The following SNX29 variants were observed in gnomAD, a reference collection of about 807,000 sequenced individuals.
SNX29 encodes the protein sorting nexin 29.
Under a neutral mutation model 102.1 loss-of-function variants are expected in SNX29, and 78 were observed. That is an observed-to-expected ratio of 0.76 (90% CI 0.64 to 0.92). The LOEUF (loss-of-function observed/expected upper bound fraction) is 0.92, where lower values mean the gene tolerates loss of function less well. Among genes scored for constraint, SNX29 ranks in the 40% least tolerant of loss-of-function variants. SNX29 has a pLI of 0.00. For missense variants in SNX29, 1,280 were observed against 1,061.7 expected (o/e 1.21, Z -2.86); for synonymous variants, 580 against 414.5 (o/e 1.40, Z -4.85).
At chr16:12,398,359 C>A in intron 16 of SNX29, 87 bp from the exon 17 acceptor site, 1 of 1,427,574 alleles carries the variant, frequency 7.0e-7, no homozygotes, top group Non-Finnish European at 9.9e-7. Context: ...TCAGGGATCT[C>A]TGAGAGGCAG....
chr16:12,545,969 C>T (rs745826755), intron 20 of SNX29, among the ~76,000 whole-genome samples: 2 of 152,132 alleles, frequency 1.3e-5, no homozygotes, highest in African/African-American at 2.4e-5. Context: ...AGGATGTGTG[C>T]TTCAGTGGGC....
chr16:12,076,682 G>A (rs2051591070), intron 10 of SNX29, among the ~76,000 whole-genome samples: 1 of 152,202 alleles, frequency 6.6e-6, no homozygotes, highest in Non-Finnish European at 1.5e-5. Context: ...GGACACCAAA[G>A]TCTTATGCCA....
rs2288425 is a variant in SNX29, at chr16:12,568,698, G to A, written c.*69G>A. Reference sequence around the variant, plus strand: ...TGCGTCCACCCCAGCCACTGCCGCTGGCCCCTCACCTCAGCGTGACAACCA... The same window carrying A: ...TGCGTCCACCCCAGCCACTGCCGCTAGCCCCTCACCTCAGCGTGACAACCA... On this transcript the variant is annotated 3_prime_UTR_variant, in exon 21 of 21. Coordinates refer to ENST00000566228, the MANE Select transcript of SNX29 (RefSeq NM_032167.5). 9.6e-5 allele frequency: 151 copies of A among 1,572,814 alleles called. 1 individual carries two copies. The South Asian group carries it at 1.5e-3, about 16-fold the overall frequency.
intron 11 of SNX29, chr16:12,088,097 G>C (rs1157309215): frequency 4.4e-6 from 2 of 456,678 alleles, no homozygotes; most frequent in Non-Finnish European, 8.8e-6. Flanking sequence ...TCTCCACACA[G>C]GTCCTGCCGT....
intron 16 of SNX29, among the ~76,000 whole-genome samples, chr16:12,395,314 C>T (rs535111809): frequency 1.3e-5 from 2 of 152,272 alleles, no homozygotes; most frequent in South Asian, 4.2e-4. Context: ...TGTTCTGTCC[C>T]TGCTCCCCAT....
intron 16 of SNX29, among the ~76,000 whole-genome samples, chr16:12,366,474 A>G (rs1192900387): frequency 6.6e-6 from 1 of 152,104 alleles, no homozygotes; most frequent in Non-Finnish European, 1.5e-5. Context: ...GCCTTATCTC[A>G]TGAGCCTGCC....
chr16:12,074,721 G>T (rs1036444744), intron 10 of SNX29, among the ~76,000 whole-genome samples: 4 of 152,196 alleles, frequency 2.6e-5, no homozygotes, highest in Non-Finnish European at 5.9e-5. Context: ...TGCCTTGCTA[G>T]ATTGGGGACG....
intron 18 of SNX29, among the ~76,000 whole-genome samples, chr16:12,458,632 C>G (rs139543618): frequency 6.6e-6 from 1 of 152,086 alleles, no homozygotes; most frequent in African/African-American, 2.4e-5. Flanking sequence ...CCAGTCACGG[C>G]GAAGGATACA....
At chr16:12,079,892 G>C (rs2051778818) in intron 11 of SNX29, among the ~76,000 whole-genome samples, 1 of 152,184 alleles carries the variant, frequency 6.6e-6, no homozygotes, top group Admixed American at 6.5e-5. Flanking sequence ...CTACATATAG[G>C]ATTCAGGGGC....
At chr16:12,406,124 TA>T (rs559094662) in intron 18 of SNX29, among the ~76,000 whole-genome samples, 29 of 151,504 alleles carry the variant, frequency 1.9e-4, no homozygotes, top group Admixed American at 7.9e-4. Context: ...AAAGAGAGGT[TA>T]AAAAAAATAC....
chr16:12,572,655 T>G lies in SNX29; in HGVS notation c.*4026T>G, dbSNP rs2079212546. On this transcript the variant is annotated 3_prime_UTR_variant, in exon 21 of 21. Coordinates refer to ENST00000566228, the MANE Select transcript of SNX29 (RefSeq NM_032167.5). ...CCTTCATTCCTCCACCAAGCTCCTG[T>G]GTGAGCTGCAGCACCCACACGGGGG... The G allele has an allele frequency of 3.8e-6, 4 of 1,063,636 alleles. No individual in the cohort carries two copies. In the South Asian group the frequency reaches 1.8e-4, roughly 48 times the overall value. The allele number at this position is 1,063,636 out of a possible 1,614,324, so 65.9% of individuals were successfully genotyped here.
chr16:12,541,375 A>C (rs1171379390), intron 20 of SNX29, among the ~76,000 whole-genome samples: 11 of 152,208 alleles, frequency 7.2e-5, no homozygotes, highest in Non-Finnish European at 1.6e-4. Flanking sequence ...CTATGAGGGC[A>C]GTTACCATGT....
At chr16:12,462,887 C>T (rs2086869677) in intron 18 of SNX29, among the ~76,000 whole-genome samples, 1 of 152,216 alleles carries the variant, frequency 6.6e-6, no homozygotes, top group South Asian at 2.1e-4. Context: ...AATATCCAGA[C>T]TGCAACATGT....
chr16:12,027,628 T>A, intron 4 of SNX29, 184 bp downstream of exon 4: 2 of 644,060 alleles, frequency 3.1e-6, no homozygotes, highest in East Asian at 3.6e-5. Context: ...CATCTTAATT[T>A]AAATGAAGTC....
At chr16:12,178,549 C>T (rs2076312805) in intron 13 of SNX29, among the ~76,000 whole-genome samples, 1 of 152,180 alleles carries the variant, frequency 6.6e-6, no homozygotes, top group Admixed American at 6.5e-5. Context: ...CCGTCATGGT[C>T]CTGGAAAAAA....
At chr16:12,313,630 G>A (rs1245591940) in intron 15 of SNX29, among the ~76,000 whole-genome samples, 1 of 152,152 alleles carries the variant, frequency 6.6e-6, no homozygotes, top group Non-Finnish European at 1.5e-5. Context: ...TCTTGTGAGC[G>A]TTTGTTTCAT....
chr16:12,549,972 C>T lies in SNX29; in HGVS notation c.2319-18534C>T, dbSNP rs180987044. ...AAAGTTTTATTGGAACATGCCCAGT[C>T]ATTCACACTTCATGTATAGCTTCTT... On this transcript the variant is annotated intron_variant, in intron 20 of 20. Transcript: ENST00000566228. Among the ~76,000 whole-genome samples, 336 of 152,342 alleles carry T rather than the reference C, an allele frequency of 2.2e-3. 1 individual carries two copies. The highest frequency in any genetic ancestry group is 0.01 in the South Asian group (50 of 4,824).
intron 18 of SNX29, among the ~76,000 whole-genome samples, chr16:12,444,260 AGT>A (rs1567569597): frequency 4.8e-5 from 1 of 20,900 alleles, no homozygotes; most frequent in East Asian, 8.2e-4. Context: ...CCGAGCACGT[AGT>A]AAGCACTCAG....
intron 16 of SNX29, among the ~76,000 whole-genome samples, chr16:12,370,808 T>G (rs971500002): frequency 1.3e-4 from 20 of 152,222 alleles, no homozygotes; most frequent in African/African-American, 4.8e-4. Context: ...GTGCCTAGAT[T>G]CATTGCTGTC....
Sources: allele counts gnomAD v4.1 joint callset (sites outside exome capture counted in the v4.1 genomes callset), GRCh38; gene constraint gnomAD v4.1.1; transcripts MANE v1.5; gene names NCBI Gene and HGNC (gene_info 2026-07-23, HGNC 2026-07-21).